RAD51B: variants seen among roughly 807,000 people sequenced by gnomAD.
RAD51B encodes RAD51 paralog B.
In RAD51B, 38 loss-of-function variants were observed where a neutral mutation model predicts 42.2. The observed-to-expected ratio is 0.90, with a 90% CI of 0.70 to 1.18. The LOEUF (loss-of-function observed/expected upper bound fraction) is 1.18. Ranked by LOEUF, RAD51B falls within the 50% of genes most tolerant of loss-of-function variation. The probability of loss-of-function intolerance (pLI) is 0.00; values close to 1 mark genes in which losing one functional copy is unlikely to be tolerated. For missense variants in RAD51B, 373 were observed against 400.7 expected (o/e 0.93, Z 0.59); for synonymous variants, 154 against 145.2 (o/e 1.06, Z -0.43).
In RAD51B at chr14:68,191,656, A is replaced by G. The variant is rs1279304808; in HGVS notation, c.757-100228A>G. ...TGGGAGCCCAGGTCTTACTCAGAAT[A>G]GGTTCTCATACTTAGAGGAAACTCA... On this transcript the variant is annotated intron_variant, in intron 7 of 10. Transcript: ENST00000471583. Among the ~76,000 whole-genome samples the G allele has an allele frequency of 2.0e-5, 3 of 152,262 alleles. No homozygotes were observed. In the East Asian group the frequency reaches 5.8e-4, roughly 29 times the overall value.
intron 8 of RAD51B, among the ~76,000 whole-genome samples, chr14:68,397,377 C>T (rs975883713): frequency 6.6e-6 from 1 of 152,238 alleles, no homozygotes; most frequent in African/African-American, 2.4e-5. Context: ...CCCTGCTAGC[C>T]TCAGCACATT....
chr14:68,646,639 C>G (rs1262756362), intron 10 of RAD51B, among the ~76,000 whole-genome samples: 1 of 152,180 alleles, frequency 6.6e-6, no homozygotes. Flanking sequence ...CCCCTTCTTA[C>G]TTAGATTACA....
At chr14:68,282,774 C>T (rs1426843741) in intron 7 of RAD51B, among the ~76,000 whole-genome samples, 1 of 152,186 alleles carries the variant, frequency 6.6e-6, no homozygotes, top group East Asian at 1.9e-4. Flanking sequence ...GGTTGCACCT[C>T]TCCAGGCAGT....
chr14:67,903,408 G>GTGTAACCACCATT (rs1207739869), intron 7 of RAD51B, among the ~76,000 whole-genome samples: 1 of 152,016 alleles, frequency 6.6e-6, no homozygotes, highest in Non-Finnish European at 1.5e-5. Flanking sequence ...AATATTTTTA[G>GTGTAACCACCATT]TGTAACCACC....
chr14:68,459,662 A>G (rs1173080638), intron 9 of RAD51B, among the ~76,000 whole-genome samples: 2 of 152,270 alleles, frequency 1.3e-5, no homozygotes, highest in Admixed American at 6.5e-5. Context: ...TTAAAAAACT[A>G]GCAGGACAGG....
intron 7 of RAD51B, among the ~76,000 whole-genome samples, chr14:68,268,704 T>C (rs931963466): frequency 2.0e-5 from 3 of 152,238 alleles, no homozygotes; most frequent in African/African-American, 7.2e-5. Flanking sequence ...TCTTTTGTCT[T>C]ATCTTCTCCA....
chr14:68,166,443 A>G (rs774155689), intron 7 of RAD51B, among the ~76,000 whole-genome samples: 2 of 152,112 alleles, frequency 1.3e-5, no homozygotes, highest in Non-Finnish European at 2.9e-5. Context: ...TCTTTTAATT[A>G]GACCCAGAGT....
intron 7 of RAD51B, among the ~76,000 whole-genome samples, chr14:68,286,421 C>T (rs541397241): frequency 7.9e-5 from 12 of 152,330 alleles, no homozygotes; most frequent in South Asian, 2.1e-4. Flanking sequence ...GCTGACCAAA[C>T]AGGACCAGAT....
intron 7 of RAD51B, among the ~76,000 whole-genome samples, chr14:67,985,074 A>T (rs949894547): frequency 1.3e-5 from 2 of 152,210 alleles, no homozygotes; most frequent in African/African-American, 2.4e-5. Flanking sequence ...GTCTTTTTTA[A>T]GCTTAAATGT....
intron 10 of RAD51B, among the ~76,000 whole-genome samples, chr14:68,603,559 C>G (rs1220081425): frequency 4.6e-5 from 7 of 152,050 alleles, no homozygotes; most frequent in African/African-American, 1.7e-4. Flanking sequence ...TTGGGGTCCC[C>G]ATCATGCCTC....
At chr14:68,442,571 G>A (rs2085326206) in intron 9 of RAD51B, among the ~76,000 whole-genome samples, 1 of 150,126 alleles carries the variant, frequency 6.7e-6, no homozygotes, top group Admixed American at 6.7e-5. Context: ...CTCCTGAGTA[G>A]CTGGGACTAC....
chr14:68,557,893 T>C (rs1888935736), intron 10 of RAD51B, among the ~76,000 whole-genome samples: 3 of 152,170 alleles, frequency 2.0e-5, no homozygotes, highest in South Asian at 4.2e-4. Flanking sequence ...CCCTTCACCA[T>C]AGGAAACCAG....
At chr14:68,231,448 C>T (rs968330365) in intron 7 of RAD51B, among the ~76,000 whole-genome samples, 2 of 151,962 alleles carry the variant, frequency 1.3e-5, no homozygotes, top group Admixed American at 1.3e-4. Flanking sequence ...TTTTCCTTTT[C>T]CCCTAAACCA....
At chr14:68,147,104 T>C (rs1248755229) in intron 7 of RAD51B, among the ~76,000 whole-genome samples, 2 of 152,208 alleles carry the variant, frequency 1.3e-5, no homozygotes, top group African/African-American at 4.8e-5. Flanking sequence ...CTTATTCCAC[T>C]TGAGGCATAA....
intron 8 of RAD51B, among the ~76,000 whole-genome samples, chr14:68,328,468 A>G (rs556518775): frequency 1.3e-5 from 2 of 152,292 alleles, no homozygotes; most frequent in South Asian, 4.1e-4. Context: ...TCCATACTCC[A>G]TATAATGGAC....
intron 7 of RAD51B, among the ~76,000 whole-genome samples, chr14:68,285,552 G>A (rs1009646224): frequency 1.3e-5 from 2 of 152,190 alleles, no homozygotes; most frequent in African/African-American, 4.8e-5. Flanking sequence ...TTATCCAGGG[G>A]CTGCTGTTTA....
chr14:68,205,746 G>T (rs376121462), intron 7 of RAD51B, among the ~76,000 whole-genome samples: 1 of 151,542 alleles, frequency 6.6e-6, no homozygotes, highest in African/African-American at 2.4e-5. Context: ...TAATTTACTC[G>T]ATCTACATAT....
chr14:68,210,500 C>T (rs952597563), intron 7 of RAD51B, among the ~76,000 whole-genome samples: 3 of 151,906 alleles, frequency 2.0e-5, no homozygotes, highest in Non-Finnish European at 4.4e-5. Context: ...TATGTATATA[C>T]ATGACCAGGC....
At chr14:68,531,563 A>G (rs1280072655) in intron 10 of RAD51B, among the ~76,000 whole-genome samples, 1 of 152,254 alleles carries the variant, frequency 6.6e-6, no homozygotes, top group Non-Finnish European at 1.5e-5. Context: ...CCCTAAAAAC[A>G]TAACCTTGAA....
Sources: allele counts gnomAD v4.1 joint callset (sites outside exome capture counted in the v4.1 genomes callset), GRCh38; gene constraint gnomAD v4.1.1; transcripts MANE v1.5; gene names NCBI Gene and HGNC (gene_info 2026-07-23, HGNC 2026-07-21).